ANO4: variants seen among roughly 807,000 people sequenced by gnomAD.
ANO4 encodes anoctamin 4.
In ANO4, 69 loss-of-function variants were observed where a neutral mutation model predicts 141.9. The ratio of observed to expected loss-of-function variants is 0.49; its 90% CI spans 0.40 to 0.59. The LOEUF is 0.59. Among genes scored for constraint, ANO4 ranks in the 20% least tolerant of loss-of-function variants. The pLI is 0.00. For synonymous variants in ANO4, 350 were observed against 394.3 expected, an observed-to-expected ratio of 0.89 and a Z score of 1.33; for missense variants, 894 against 1,162.2, an observed-to-expected ratio of 0.77 and a Z score of 3.36.
intron 16 of ANO4, among the ~76,000 whole-genome samples, chr12:101,086,204 G>A (rs2049493663): frequency 6.6e-6 from 1 of 151,570 alleles, no homozygotes; most frequent in Non-Finnish European, 1.5e-5. Context: ...CCCGTTTGAT[G>A]TAATGAGAGA....
intron 8 of ANO4, among the ~76,000 whole-genome samples, chr12:101,017,226 G>C (rs1307410884): frequency 6.6e-6 from 1 of 152,204 alleles, no homozygotes; most frequent in African/African-American, 2.4e-5. Context: ...CATCTTACGT[G>C]TTGGCAGGCA....
intron 14 of ANO4, among the ~76,000 whole-genome samples, chr12:101,070,022 A>C (rs2048745412): frequency 6.6e-6 from 1 of 152,118 alleles, no homozygotes; most frequent in Non-Finnish European, 1.5e-5. Context: ...TGAAGAGGAC[A>C]CAAAAAATGG....
At chr12:100,751,313 C>G (rs189792800) in intron 3 of ANO4, among the ~76,000 whole-genome samples, 1 of 151,970 alleles carries the variant, frequency 6.6e-6, no homozygotes, top group Non-Finnish European at 1.5e-5. Flanking sequence ...TCAGTTTGAC[C>G]GCAAGCATGG....
chr12:101,106,573 G>A lies in ANO4; in HGVS notation c.2150-3831G>A, dbSNP rs571613460. 8.6e-3 allele frequency among the ~76,000 whole-genome samples: 1,195 copies of A among 138,574 alleles called. 15 individuals carry two copies. The highest frequency in any genetic ancestry group is 0.018 in the African/African-American group (691 of 38,520). 90.9% of individuals were successfully genotyped at this position (138,574 alleles called of 152,430 possible). A position where few individuals can be genotyped will look rare whatever the true frequency, so the allele number is the denominator to read the frequency against. Reference sequence around the variant, plus strand: ...TATGGATATTCATGTGTGTGTGTGTGTATATATATATATATATATATAAAT... The same window carrying A: ...TATGGATATTCATGTGTGTGTGTGTATATATATATATATATATATATAAAT... On this transcript the variant is annotated intron_variant, in intron 22 of 27. Transcript: ENST00000392977.
chr12:100,928,850 A>G (rs2041978228), intron 3 of ANO4, among the ~76,000 whole-genome samples: 1 of 152,178 alleles, frequency 6.6e-6, no homozygotes, highest in Admixed American at 6.6e-5. Context: ...CTAAATCAGA[A>G]ACAAGTTAAT....
At chr12:100,963,429 C>A (rs543105857) in intron 5 of ANO4, among the ~76,000 whole-genome samples, 3 of 152,116 alleles carry the variant, frequency 2.0e-5, no homozygotes, top group South Asian at 2.1e-4. Flanking sequence ...ATATTGTAAT[C>A]ATTTAGGAAC....
intron 11 of ANO4, among the ~76,000 whole-genome samples, chr12:101,041,239 T>C (rs2047400694): frequency 6.6e-6 from 1 of 152,184 alleles, no homozygotes; most frequent in African/African-American, 2.4e-5. Flanking sequence ...CAATGCACTT[T>C]ATATTTGAGC....
At chr12:101,124,673 C>T (rs1371732420) in intron 26 of ANO4, among the ~76,000 whole-genome samples, 3 of 152,098 alleles carry the variant, frequency 2.0e-5, no homozygotes, top group Admixed American at 6.5e-5. Context: ...GGTTCAGTTT[C>T]GATTTTCTGC....
chr12:100,919,597 T>G (rs971058680), intron 2 of ANO4, among the ~76,000 whole-genome samples: 1 of 151,984 alleles, frequency 6.6e-6, no homozygotes, highest in African/African-American at 2.4e-5. Flanking sequence ...TGCACAATGA[T>G]GATATCTACC....
chr12:100,850,651 A>G (rs1314388640), intron 1 of ANO4, among the ~76,000 whole-genome samples: 1 of 152,198 alleles, frequency 6.6e-6, no homozygotes, highest in Non-Finnish European at 1.5e-5. Context: ...ATTTTAAGTA[A>G]GAGTCATTTT....
chr12:101,080,914 C>T (rs139140470), intron 15 of ANO4, among the ~76,000 whole-genome samples: 2,772 of 91,964 alleles, frequency 0.03, 118 homozygotes, highest in African/African-American at 0.098. Context: ...TACACATATA[C>T]ATATATATAA....
At chr12:100,825,600 A>T (rs2036290345) in intron 1 of ANO4, among the ~76,000 whole-genome samples, 1 of 152,068 alleles carries the variant, frequency 6.6e-6, no homozygotes, top group Admixed American at 6.6e-5. Context: ...AACTAGGAAG[A>T]TGTCCAGGCC....
rs1395180082 is a variant in ANO4, at chr12:100,929,951, T to C, written c.160+7621T>C. Among the ~76,000 whole-genome samples, 3 of 152,170 alleles carry C rather than the reference T, an allele frequency of 2.0e-5. No individual in the cohort carries two copies. In the South Asian group the frequency reaches 6.2e-4, roughly 32 times the overall value. On this transcript the variant is annotated intron_variant, in intron 3 of 27. Coordinates refer to ENST00000392977, the MANE Select transcript of ANO4 (RefSeq NM_001286615.2). ...ATCAGTGGTGTTGAGCACCTTTTCA[T>C]GTGCCTGTTTGCCATTTCTGTGTCT...
chr12:100,942,607 C>A, intron 5 of ANO4, 72 bp downstream of exon 5: 2 of 1,483,488 alleles, frequency 1.3e-6, no homozygotes, highest in Non-Finnish European at 1.8e-6. Context: ...AAGAAATAAG[C>A]AAGCAGTCTT....
chr12:101,124,585 G>T (rs1476029902), intron 26 of ANO4, among the ~76,000 whole-genome samples: 1 of 152,072 alleles, frequency 6.6e-6, no homozygotes, highest in Non-Finnish European at 1.5e-5. Flanking sequence ...TTTTCTTCTA[G>T]GATTTTTATA....
intron 11 of ANO4, among the ~76,000 whole-genome samples, chr12:101,040,445 T>C (rs902243031): frequency 2.0e-5 from 3 of 152,254 alleles, no homozygotes; most frequent in African/African-American, 7.2e-5. Flanking sequence ...GTAAAATATT[T>C]ACTACTGTTA....
chr12:101,114,352 A>G (rs904597228), intron 24 of ANO4, among the ~76,000 whole-genome samples: 2 of 152,122 alleles, frequency 1.3e-5, no homozygotes, highest in African/African-American at 4.8e-5. Flanking sequence ...CTTTTCCCCC[A>G]TTATGGAAAT....
chr12:100,894,105 C>T lies in ANO4; in HGVS notation c.-140-7541C>T, dbSNP rs568450652. Among the ~76,000 whole-genome samples the T allele has an allele frequency of 5.3e-4, 80 of 152,250 alleles. 1 individual carries two copies. The South Asian group carries it at 0.015, about 29-fold the overall frequency. On this transcript the variant is annotated intron_variant, in intron 1 of 27. Transcript: ENST00000392977. Reference sequence around the variant, plus strand: ...TCAATGCGCTTAAACGCTCAGTTAACGTGGCTTTAGACATAATTGTAACAG... The same window carrying T: ...TCAATGCGCTTAAACGCTCAGTTAATGTGGCTTTAGACATAATTGTAACAG...
intron 1 of ANO4, among the ~76,000 whole-genome samples, chr12:100,857,391 T>G (rs2135875275): frequency 6.6e-6 from 1 of 152,252 alleles, no homozygotes; most frequent in Admixed American, 6.5e-5. Context: ...ATTTATGGAG[T>G]ACTCACTGTT....
Sources: allele counts gnomAD v4.1 joint callset (sites outside exome capture counted in the v4.1 genomes callset), GRCh38; gene constraint gnomAD v4.1.1; transcripts MANE v1.5; gene names NCBI Gene and HGNC (gene_info 2026-07-23, HGNC 2026-07-21).